Variants in SLC6A11 observed in about 807,000 individuals in gnomAD.
The protein encoded by SLC6A11 is sodium- and chloride-dependent GABA transporter 3.
SLC6A11 carries 25 observed loss-of-function variants against 74.8 expected under a neutral mutation model. That is an observed-to-expected ratio of 0.33 (90% CI 0.24 to 0.47). The LOEUF (loss-of-function observed/expected upper bound fraction) is 0.47, where lower values mean the gene tolerates loss of function less well. SLC6A11 is among the 20% of genes least tolerant of loss of function. The pLI, the probability that SLC6A11 is intolerant of heterozygous loss-of-function variation, is 1.00. For synonymous variants in SLC6A11, 330 were observed against 330.2 expected (o/e 1.00, Z 0.01); for missense variants, 574 against 837.0 (o/e 0.69, Z 3.88).
chr3:10,875,252 C>T (rs973228935), intron 6 of SLC6A11, among the ~76,000 whole-genome samples, 157 bp downstream of exon 6: 4 of 152,136 alleles, frequency 2.6e-5, no homozygotes, highest in African/African-American at 4.8e-5. Context: ...AAATTTAATA[C>T]GTAGGAAATC....
At position 10,844,358 on chromosome 3, in the gene SLC6A11, A is replaced by C; in HGVS notation, c.756+12A>C. On this transcript the variant is annotated intron_variant, in intron 5 of 13. Coordinates refer to ENST00000254488, the MANE Select transcript of SLC6A11 (RefSeq NM_014229.3). ...AGTCTACAGGAAAGGTAAGAGGTCG[A>C]TCTTCAAGCAGCTAACCGTGGCAGG... The C allele has an allele frequency of 1.2e-6, 2 of 1,614,142 alleles. No homozygotes were observed. The highest frequency in any genetic ancestry group is 1.7e-6 in the Non-Finnish European group (2 of 1,179,996).
intron 5 of SLC6A11, among the ~76,000 whole-genome samples, chr3:10,872,035 A>G (rs993777963): frequency 2.0e-5 from 3 of 152,200 alleles, no homozygotes; most frequent in African/African-American, 7.2e-5. Context: ...TGTCATTTAC[A>G]AATGGAATGA....
intron 5 of SLC6A11, among the ~76,000 whole-genome samples, chr3:10,847,364 A>G (rs1387310955): frequency 6.6e-6 from 1 of 152,238 alleles, no homozygotes; most frequent in African/African-American, 2.4e-5. Context: ...TATTGGTTGC[A>G]GCTCTTTCTA....
chr3:10,910,931 C>T lies in SLC6A11; in HGVS notation c.892-1159C>T, dbSNP rs551222377. Among the ~76,000 whole-genome samples the T allele has an allele frequency of 4.6e-5, 7 of 150,606 alleles. No individual in the cohort carries two copies. The South Asian group carries it at 1.0e-3, about 22-fold the overall frequency. ...TTCACCTCCCAGTTCAAGCAATTCT[C>T]GTGCCTCAGCCTCCCACGTAGCTGG... is the stretch of plus-strand genomic sequence containing the variant. On this transcript the variant is annotated intron_variant, in intron 6 of 13. Transcript: ENST00000254488.
intron 7 of SLC6A11, among the ~76,000 whole-genome samples, chr3:10,914,266 C>A (rs913584853): frequency 6.6e-6 from 1 of 152,158 alleles, no homozygotes; most frequent in African/African-American, 2.4e-5. Context: ...TTGACTCTGA[C>A]TGGGGTCTCT....
chr3:10,841,072 C>T lies in SLC6A11; in HGVS notation c.624-3142C>T, dbSNP rs554627777. On this transcript the variant is annotated intron_variant, in intron 4 of 13. Transcript: ENST00000254488. The stretch of plus-strand genomic sequence containing the variant: ...ACTCTACTATGGCCTGAAAAGGGTG[C>T]TTCATGAAGAATCTGCTTTAGGGCC... Among the ~76,000 whole-genome samples, 147 of 152,242 alleles carry T rather than the reference C, an allele frequency of 9.7e-4. 6 individuals carry two copies. In the South Asian group the frequency reaches 0.03, roughly 31 times the overall value.
chr3:10,855,386 A>G (rs1442809364), intron 5 of SLC6A11, among the ~76,000 whole-genome samples: 1 of 152,054 alleles, frequency 6.6e-6, no homozygotes, highest in Non-Finnish European at 1.5e-5. Flanking sequence ...TCCATCCCTT[A>G]CTTCTTCATC....
At position 10,938,410 on chromosome 3, in the gene SLC6A11, C is replaced by T; in HGVS notation, c.*8C>T. On this transcript the variant is annotated 3_prime_UTR_variant, in exon 14 of 14. Coordinates refer to ENST00000254488, the MANE Select transcript of SLC6A11 (RefSeq NM_014229.3). ...AAGGAGACGCACTTCTGAGCGGCCA[C>T]CAGCCATCTGGGGCTCTTCTTCCTT... The T allele has an allele frequency of 6.3e-7, 1 of 1,586,132 alleles. No individual in the cohort carries two copies. Among genetic ancestry groups the T allele is most frequent in the Non-Finnish European group, 8.6e-7 (1 of 1,159,636 alleles).
intron 6 of SLC6A11, among the ~76,000 whole-genome samples, chr3:10,885,595 G>GACA (rs1341236597): frequency 2.5e-5 from 2 of 81,460 alleles, no homozygotes; most frequent in Non-Finnish European, 2.3e-5. Flanking sequence ...CAGCCCCCAT[G>GACA]ATAAAAAAAA....
chr3:10,904,464 A>G (rs561808890), intron 6 of SLC6A11, among the ~76,000 whole-genome samples: 38 of 152,334 alleles, frequency 2.5e-4, no homozygotes, highest in African/African-American at 8.9e-4. Context: ...CCACAGCTGC[A>G]CTGCCAGAAC....
intron 13 of SLC6A11, among the ~76,000 whole-genome samples, chr3:10,938,015 C>T (rs773161789): frequency 6.6e-6 from 1 of 152,148 alleles, no homozygotes; most frequent in Non-Finnish European, 1.5e-5. Flanking sequence ...TACTCTTGAC[C>T]TAATGCCAGG....
chr3:10,936,909 T>C (rs980151635), intron 13 of SLC6A11, among the ~76,000 whole-genome samples: 1 of 152,220 alleles, frequency 6.6e-6, no homozygotes, highest in African/African-American at 2.4e-5. Flanking sequence ...TGAGCTCACA[T>C]GTCTGCCGAC....
chr3:10,861,245 G>T (rs1489740778), intron 5 of SLC6A11, among the ~76,000 whole-genome samples: 1 of 152,238 alleles, frequency 6.6e-6, no homozygotes, highest in Non-Finnish European at 1.5e-5. Context: ...GCCGGGCATG[G>T]TGGCTTAAGC....
intron 5 of SLC6A11, among the ~76,000 whole-genome samples, chr3:10,874,646 T>C (rs1452895116): frequency 6.6e-6 from 1 of 152,206 alleles, no homozygotes; most frequent in African/African-American, 2.4e-5. Context: ...CTACTGAAAC[T>C]GTATACCTCC....
At chr3:10,829,787 A>G (rs79122495) in intron 4 of SLC6A11, among the ~76,000 whole-genome samples, 4,372 of 152,328 alleles carry the variant, frequency 0.029, 92 homozygotes, top group Middle Eastern at 0.065. Context: ...AGCTGTTTTT[A>G]CACAGGAGAC....
chr3:10,920,201 G>A (rs1428923524), intron 8 of SLC6A11, among the ~76,000 whole-genome samples: 6 of 152,150 alleles, frequency 3.9e-5, no homozygotes. Context: ...GAGTCCCAGA[G>A]AGGAGTAATA....
chr3:10,857,672 T>C (rs1694654596), intron 5 of SLC6A11, among the ~76,000 whole-genome samples: 1 of 152,164 alleles, frequency 6.6e-6, no homozygotes, highest in African/African-American at 2.4e-5. Flanking sequence ...AGGAAACAAA[T>C]GCTTACTCTA....
chr3:10,829,551 C>T (rs115989800), intron 4 of SLC6A11, among the ~76,000 whole-genome samples: 322 of 152,278 alleles, frequency 2.1e-3, no homozygotes, highest in African/African-American at 7.1e-3. Context: ...CACATTACCC[C>T]GTGGCTAAAG....
intron 10 of SLC6A11, among the ~76,000 whole-genome samples, chr3:10,931,499 AG>A (rs1369922632): frequency 1.3e-5 from 2 of 152,186 alleles, no homozygotes; most frequent in Non-Finnish European, 2.9e-5. Context: ...TATTCACTGT[AG>A]TTGTCACAGA....
Sources: allele counts gnomAD v4.1 joint callset (sites outside exome capture counted in the v4.1 genomes callset), GRCh38; gene constraint gnomAD v4.1.1; transcripts MANE v1.5; gene names NCBI Gene and HGNC (gene_info 2026-07-23, HGNC 2026-07-21).